Variants in MARK4 observed in about 807,000 individuals in gnomAD.
The protein encoded by MARK4 is MAP/microtubule affinity-regulating kinase 4.
MARK4 carries 19 observed loss-of-function variants against 81.5 expected under a neutral mutation model. That is an observed-to-expected ratio of 0.23 (90% CI 0.16 to 0.34). The LOEUF (loss-of-function observed/expected upper bound fraction) is 0.34, where lower values mean the gene tolerates loss of function less well. Among genes scored for constraint, MARK4 ranks in the 10% least tolerant of loss-of-function variants. MARK4 has a pLI of 1.00. For synonymous variants in MARK4, 436 were observed against 439.0 expected (o/e 0.99, Z 0.08); for missense variants, 772 against 1,058.8 (o/e 0.73, Z 3.76).
At chr19:45,275,517 C>T (rs904890366) in intron 8 of MARK4, among the ~76,000 whole-genome samples, 3 of 151,988 alleles carry the variant, frequency 2.0e-5, no homozygotes, top group South Asian at 2.1e-4. Flanking sequence ...GCTTGCAGCC[C>T]GTCTGCATAT....
chr19:45,295,334 G>C (rs1970872867), intron 14 of MARK4, among the ~76,000 whole-genome samples: 1 of 152,010 alleles, frequency 6.6e-6, no homozygotes, highest in African/African-American at 2.4e-5. Context: ...ACTCCAGCCT[G>C]GGCAACAGAG....
At chr19:45,268,912 C>T (rs1970490020) in intron 7 of MARK4, among the ~76,000 whole-genome samples, 1 of 152,204 alleles carries the variant, frequency 6.6e-6, no homozygotes, top group Non-Finnish European at 1.5e-5. Flanking sequence ...GGAGGCAGCA[C>T]CTTAGAGGCT....
In MARK4 at chr19:45,304,970, A is replaced by G. The variant is rs1238090402; in HGVS notation, c.*2260A>G. ...TGGACAGGGGCCTGGGCTTTCTTCC[A>G]AGGGCACTGGGGGAGCCATGGCAAG... On this transcript the variant is annotated 3_prime_UTR_variant, in exon 17 of 17. Coordinates refer to ENST00000262891, the MANE Select transcript of MARK4 (RefSeq NM_001199867.2). 6.6e-6 allele frequency: 1 copy of G among 152,408 alleles called. No homozygotes were observed. The highest frequency in any genetic ancestry group is 1.5e-5 in the Non-Finnish European group (1 of 68,270). The allele number at this position is 152,408 out of a possible 1,614,324, so 9.4% of individuals were successfully genotyped here. A position where few individuals can be genotyped will look rare whatever the true frequency, so the allele number is the denominator to read the frequency against.
In MARK4 at chr19:45,280,436, T is replaced by G. The variant is rs754653981; in HGVS notation, c.1069T>G (p.Tyr357Asp). ...EIKESLTSQK[Y>D]NEVTATYLLL... ...CAAAGAGTCCTTGACCAGCCAGAAG[T>G]ACAACGAAGTGACCGCCACCTACCT... is the stretch of plus-strand genomic sequence containing the variant. Residue 357 changes from tyrosine (Y) to aspartate (D), a missense_variant, in exon 11 of 17, where the codon TAC becomes GAC. Tyr to Asp is a radical substitution (Grantham distance 160). Around this residue, in one of 3 missense-constraint regions of MARK4, gnomAD observed 548 missense variants for 624.3 expected, o/e 0.88. Coordinates refer to ENST00000262891, the MANE Select transcript of MARK4 (RefSeq NM_001199867.2). 1.2e-6 allele frequency: 2 copies of G among 1,614,100 alleles called. No individual in the cohort carries two copies. The highest frequency in any genetic ancestry group is 2.2e-5 in the South Asian group (2 of 91,086).
At chr19:45,281,363 C>CT (rs1568498227) in intron 12 of MARK4, among the ~76,000 whole-genome samples, 1 of 86,154 alleles carries the variant, frequency 1.2e-5, no homozygotes, top group African/African-American at 5.8e-5. Flanking sequence ...CTTTTCTTTT[C>CT]TTTCTTTTTT....
intron 4 of MARK4, 89 bp from the exon 5 acceptor site, chr19:45,264,595 T>G: frequency 3.1e-6 from 4 of 1,271,842 alleles, no homozygotes; most frequent in Non-Finnish European, 4.5e-6. Context: ...GGTGGGGGTG[T>G]TATGGTTGGC....
Position 45,251,573 on chromosome 19 carries a change from C to A in MARK4, c.-16C>A. The A allele has an allele frequency of 1.4e-6, 2 of 1,385,886 alleles. No individual in the cohort carries two copies. The highest frequency in any genetic ancestry group is 9.4e-7 in the Non-Finnish European group (1 of 1,064,832). The allele number at this position is 1,385,886 out of a possible 1,614,324, so 85.8% of individuals were successfully genotyped here. On this transcript the variant is annotated 5_prime_UTR_variant, in exon 1 of 17. Coordinates refer to ENST00000262891, the MANE Select transcript of MARK4 (RefSeq NM_001199867.2). ...CCCCCCACCCGGCCGCCCCTGCCCC[C>A]CGGGACCCGGAGAAGATGTCTTCGC...
chr19:45,273,977 T>C (rs906633385), intron 8 of MARK4, among the ~76,000 whole-genome samples: 4 of 152,254 alleles, frequency 2.6e-5, no homozygotes, highest in African/African-American at 7.2e-5. Flanking sequence ...GGGCCGGGCG[T>C]GGTGGCTCAC....
intron 8 of MARK4, among the ~76,000 whole-genome samples, chr19:45,272,097 G>A (rs345412): frequency 0.99 from 151,136 of 152,312 alleles, 74,989 homozygotes; most frequent in Middle Eastern, 1. Flanking sequence ...TTTGGGAGGC[G>A]GAGGCGGGAG....
At position 45,287,463 on chromosome 19, in the gene MARK4, AC is replaced by A; in HGVS notation, c.1297del (p.Leu433CysfsTer15). ...CTCCCCCAGGTGGCCCATCCCCTGC[AC>A]CCCTGCACCCCAAACGCAGCCCGAC... is the stretch of plus-strand genomic sequence containing the variant. ...HSDFCGPSPA[P>X]LHPKRSPTST... On this transcript the variant is annotated frameshift_variant, in exon 13 of 17. Coordinates refer to ENST00000262891, the MANE Select transcript of MARK4 (RefSeq NM_001199867.2). LOFTEE classifies it high-confidence loss of function. The A allele has an allele frequency of 6.9e-7, 1 of 1,451,604 alleles. No individual in the cohort carries two copies. Among genetic ancestry groups the A allele is most frequent in the Non-Finnish European group, 9.1e-7 (1 of 1,096,034 alleles). 89.9% of individuals were successfully genotyped at this position (1,451,604 alleles called of 1,614,324 possible). A position where few individuals can be genotyped will look rare whatever the true frequency, so the allele number is the denominator to read the frequency against.
chr19:45,256,755 A>G (rs1015460783), intron 1 of MARK4, among the ~76,000 whole-genome samples: 3 of 152,124 alleles, frequency 2.0e-5, no homozygotes, highest in Non-Finnish European at 4.4e-5. Flanking sequence ...ACTTTGCCTT[A>G]TTGAGCTTCA....
chr19:45,276,924 C>A (rs538997454), intron 8 of MARK4, among the ~76,000 whole-genome samples: 72 of 151,472 alleles, frequency 4.8e-4, no homozygotes, highest in African/African-American at 1.7e-3. Context: ...CGTGAGCCAC[C>A]GCGCCCAGCC....
intron 13 of MARK4, 78 bp downstream of exon 13, chr19:45,287,742 C>T (rs1970764801): frequency 1.4e-6 from 2 of 1,477,730 alleles, no homozygotes; most frequent in Non-Finnish European, 1.9e-6. Context: ...TCATCTCATT[C>T]CCCAGACGGA....
intron 1 of MARK4, among the ~76,000 whole-genome samples, chr19:45,252,529 C>A (rs1221379104): frequency 6.6e-6 from 1 of 151,464 alleles, no homozygotes; most frequent in Non-Finnish European, 1.5e-5. Flanking sequence ...CAAACTCAGA[C>A]CCCTTCCCCA....
At chr19:45,256,506 A>C (rs1357785070) in intron 1 of MARK4, among the ~76,000 whole-genome samples, 6 of 152,220 alleles carry the variant, frequency 3.9e-5, no homozygotes. Flanking sequence ...GATTGGAATC[A>C]AATGTTAGGG....
At chr19:45,298,061 C>T (rs1341829201) in intron 15 of MARK4, 107 bp downstream of exon 15, 14 of 1,521,040 alleles carry the variant, frequency 9.2e-6, no homozygotes, top group Non-Finnish European at 1.2e-5. Flanking sequence ...TCCTCTTCCT[C>T]CTCCTCCTCC....
rs1265597749 is a variant in MARK4 at position 45,294,418 on chromosome 19, C to T, written c.1564C>T (p.Arg522Cys). Residue 522 changes from arginine to cysteine, a missense_variant, in exon 14 of 17, where the codon CGC becomes TGC. Arg to Cys is a radical substitution (Grantham distance 180, BLOSUM62 -3). This residue lies in a region of MARK4 where 548 missense variants were observed against 624.3 expected (regional missense o/e 0.88). Transcript: ENST00000262891. ...TTGCACAGAACGCCCGGGGGCTGAGCGCCCGTCACTGTTGCCAAATGGGAA... is the reference window on the plus strand; with the variant it reads ...TTGCACAGAACGCCCGGGGGCTGAGTGCCCGTCACTGTTGCCAAATGGGAA... ...YVCTERPGAE[R>C]PSLLPNGKEN... The T allele has an allele frequency of 8.7e-6, 14 of 1,613,952 alleles. No homozygotes were observed. The highest frequency in any genetic ancestry group is 1.1e-5 in the Non-Finnish European group (13 of 1,180,032).
chr19:45,270,039 G>C lies in MARK4; in HGVS notation c.550-1433G>C, dbSNP rs1304770833. On this transcript the variant is annotated intron_variant, in intron 7 of 16. Transcript: ENST00000262891. ...GACAGGGTTTTACCATGTTGCCCAA[G>C]CTAGTCTCGAACTCCTGACCTCAGG... Among the ~76,000 whole-genome samples, 3 of 152,044 alleles carry C rather than the reference G, an allele frequency of 2.0e-5. No homozygotes were observed. The East Asian group carries it at 5.8e-4, about 29-fold the overall frequency.
chr19:45,291,724 G>A (rs1269807688), intron 13 of MARK4, among the ~76,000 whole-genome samples: 3 of 152,220 alleles, frequency 2.0e-5, no homozygotes, highest in East Asian at 3.8e-4. Context: ...GGAGGTTGCA[G>A]TGAGCTGAGA....
Sources: allele counts gnomAD v4.1 joint callset (sites outside exome capture counted in the v4.1 genomes callset), GRCh38; gene constraint gnomAD v4.1.1; regional missense constraint gnomAD v4.1.1; transcripts MANE v1.5; gene names NCBI Gene and HGNC (gene_info 2026-07-23, HGNC 2026-07-21).